Variants in FZD1 observed in about 807,000 individuals in gnomAD.
FZD1 encodes frizzled class receptor 1, also known as frizzled-1.
Under a neutral mutation model 48.0 loss-of-function variants are expected in FZD1, and 22 were observed. The observed-to-expected ratio is 0.46, with a 90% CI of 0.33 to 0.65. The LOEUF is 0.65. FZD1 is among the 30% of genes least tolerant of loss of function. The pLI is 0.02. For synonymous variants in FZD1, 486 were observed against 409.6 expected (o/e 1.19, Z -2.25); for missense variants, 843 against 898.1 (o/e 0.94, Z 0.78).
In FZD1 at chr7:91,266,511, A is replaced by G; in HGVS notation, c.1631A>G (p.Tyr544Cys). Residue 544 changes from tyrosine (Y) to cysteine (C), a missense_variant, in exon 1 of 1, where the codon TAC becomes TGC. Physicochemically the swap from Tyr to Cys is radical, Grantham distance 194 (BLOSUM62 -2). Coordinates refer to ENST00000287934, the MANE Select transcript of FZD1 (RefSeq NM_003505.2). This position sits in a 1 kb window ranked among gnomAD's most constrained non-coding sequence, Gnocchi z 6.8. ...CGCATTGGCGTCTTCAGCGTGCTGT[A>G]CACTGTGCCAGCCACCATCGTCATC... is the stretch of plus-strand genomic sequence containing the variant. Reference protein sequence around the residue: ...MVRIGVFSVLYTVPATIVIAC... With the variant: ...MVRIGVFSVLCTVPATIVIAC... 6.2e-7 allele frequency: 1 copy of G among 1,613,996 alleles called. No homozygotes were observed.
rs79504063 is a variant in FZD1, at chr7:91,267,647, C to T, written c.*823C>T. The T allele has an allele frequency of 1.2e-5, 2 of 167,122 alleles. No individual in the cohort carries two copies. The highest frequency in any genetic ancestry group is 3.9e-4 in the East Asian group (2 of 5,194). 10.4% of individuals were successfully genotyped at this position (167,122 alleles called of 1,614,324 possible). On this transcript the variant is annotated 3_prime_UTR_variant, in exon 1 of 1. Coordinates refer to ENST00000287934, the MANE Select transcript of FZD1 (RefSeq NM_003505.2). ...GTGTGGGCGCTGGCAGTCTCAGCCT[C>T]CCTCCACGGTCACCTTCAACGCCCA...
Position 91,264,897 on chromosome 7 carries a change from C to A in FZD1, c.17C>A (p.Ala6Glu), listed in dbSNP as rs909653277. 3.8e-6 allele frequency: 5 copies of A among 1,315,376 alleles called. No individual in the cohort carries two copies. Among genetic ancestry groups the A allele is most frequent in the African/African-American group, 3.1e-5 (2 of 65,278 alleles). The allele number at this position is 1,315,376 out of a possible 1,614,324, so 81.5% of individuals were successfully genotyped here. Residue 6 changes from alanine to glutamate, a missense_variant, in exon 1 of 1, where the codon GCG becomes GAG. This residue lies in a region of FZD1 where 490 missense variants were observed against 466.5 expected (regional missense o/e 1.05). Coordinates refer to ENST00000287934, the MANE Select transcript of FZD1 (RefSeq NM_003505.2). The part of the protein sequence containing the change: MAEEE[A>E]PKKSRAAGGG... The stretch of plus-strand genomic sequence containing the variant: ...CGAGAAAGTATGGCTGAGGAGGAGG[C>A]GCCTAAGAAGTCCCGGGCCGCCGGC...
chr7:91,268,569 G>A lies in FZD1; in HGVS notation c.*1745G>A, dbSNP rs536315386. 4.2e-5 allele frequency: 7 copies of A among 166,948 alleles called. No individual in the cohort carries two copies. In the South Asian group the frequency reaches 1.2e-3, roughly 30 times the overall value. The allele number at this position is 166,948 out of a possible 1,614,324, so 10.3% of individuals were successfully genotyped here. On this transcript the variant is annotated 3_prime_UTR_variant, in exon 1 of 1. Transcript: ENST00000287934. ...CTAAATTTATCTATGTCTGTCATACGCTAAAATGATATTGGTCTTTGAATT... is the reference window on the plus strand; with the variant it reads ...CTAAATTTATCTATGTCTGTCATACACTAAAATGATATTGGTCTTTGAATT...
At position 91,264,525 on chromosome 7, in the gene FZD1, CA is replaced by C; in HGVS notation, c.-355del. 6.1e-6 allele frequency: 2 copies of C among 330,248 alleles called. No individual in the cohort carries two copies. Among genetic ancestry groups the C allele is most frequent in the Non-Finnish European group, 1.1e-5 (2 of 181,466 alleles). 20.5% of individuals were successfully genotyped at this position (330,248 alleles called of 1,614,324 possible). On this transcript the variant is annotated 5_prime_UTR_variant, in exon 1 of 1. An upstream open reading frame in the 5' UTR loses its in-frame stop. Coordinates refer to ENST00000287934, the MANE Select transcript of FZD1 (RefSeq NM_003505.2). The stretch of plus-strand genomic sequence containing the variant: ...GGCGGCGGAGAAGGAGGCGGAGGCG[CA>C]GGGGGGAGCCGAGCCCGCTGGGCTG...
chr7:91,265,873 C>T lies in FZD1; in HGVS notation c.993C>T (p.Cys331=). 1 of 1,613,764 alleles carries T rather than the reference C, an allele frequency of 6.2e-7. No homozygotes were observed. The highest frequency in any genetic ancestry group is 8.5e-7 in the Non-Finnish European group (1 of 1,179,618). Residue 331 remains cysteine (C), a synonymous_variant, in exon 1 of 1, where the codon TGC becomes TGT. Coordinates refer to ENST00000287934, the MANE Select transcript of FZD1 (RefSeq NM_003505.2). The surrounding 1 kb of genome is among the most constrained non-coding windows in gnomAD (Gnocchi z 6.9). ...TWIGIWSVLC[C]ASTLFTVLTY... is the part of the protein sequence containing the mutation. Reference sequence around the variant, plus strand: ...TTGGCATTTGGTCAGTGCTGTGCTGCGCCTCCACGCTCTTCACGGTGCTTA... The same window carrying T: ...TTGGCATTTGGTCAGTGCTGTGCTGTGCCTCCACGCTCTTCACGGTGCTTA...
Position 91,268,641 on chromosome 7 carries a change from T to C in FZD1, c.*1817T>C, listed in dbSNP as rs1803926055. The C allele has an allele frequency of 6.0e-6, 1 of 166,476 alleles. No homozygotes were observed. The highest frequency in any genetic ancestry group is 6.5e-5 in the Admixed American group (1 of 15,284). The allele number at this position is 166,476 out of a possible 1,614,324, so 10.3% of individuals were successfully genotyped here. ...ACTATCACAAAATCATCTATATTTA[T>C]AGAGGAATAGAAGTTTATATATATA... On this transcript the variant is annotated 3_prime_UTR_variant, in exon 1 of 1. Coordinates refer to ENST00000287934, the MANE Select transcript of FZD1 (RefSeq NM_003505.2).
In FZD1 at chr7:91,270,778, C is replaced by G. The variant is rs576570735; in HGVS notation, c.*3954C>G. 2.4e-5 allele frequency: 4 copies of G among 166,992 alleles called. No homozygotes were observed. The highest frequency in any genetic ancestry group is 2.1e-4 in the South Asian group (1 of 4,820). The allele number at this position is 166,992 out of a possible 1,614,324, so 10.3% of individuals were successfully genotyped here. A position where few individuals can be genotyped will look rare whatever the true frequency, so the allele number is the denominator to read the frequency against. ...GTCATGGCATTGGATATCTCTGATTCATTTCTTATTATAATAGTCTGTGTA... is the reference window on the plus strand; with the variant it reads ...GTCATGGCATTGGATATCTCTGATTGATTTCTTATTATAATAGTCTGTGTA... On this transcript the variant is annotated 3_prime_UTR_variant, in exon 1 of 1. Transcript: ENST00000287934.
chr7:91,269,820 T>C lies in FZD1; in HGVS notation c.*2996T>C, dbSNP rs1354939674. 1 of 167,062 alleles carries C rather than the reference T, an allele frequency of 6.0e-6. No individual in the cohort carries two copies. The highest frequency in any genetic ancestry group is 1.5e-5 in the Non-Finnish European group (1 of 68,104). 10.3% of individuals were successfully genotyped at this position (167,062 alleles called of 1,614,324 possible). On this transcript the variant is annotated 3_prime_UTR_variant, in exon 1 of 1. Transcript: ENST00000287934. ...CTCCTCACTAAGTAGTTCAATTAGA[T>C]AATTTCTGGAAAAACATGTTTTTGA...
chr7:91,268,072 C>T lies in FZD1; in HGVS notation c.*1248C>T, dbSNP rs1803915553. On this transcript the variant is annotated 3_prime_UTR_variant, in exon 1 of 1. Transcript: ENST00000287934. ...GCAAAACGTAAACAGAAATTGAAAA[C>T]TTGAAGGATATTTCAGTGTCATGGA... The T allele has an allele frequency of 6.0e-6, 1 of 167,066 alleles. No homozygotes were observed. Among genetic ancestry groups the T allele is most frequent in the Admixed American group, 6.5e-5 (1 of 15,292 alleles). The allele number at this position is 167,066 out of a possible 1,614,324, so 10.3% of individuals were successfully genotyped here.
Position 91,265,048 on chromosome 7 carries a change from G to T in FZD1, c.168G>T (p.Leu56=). The change falls in exon 1 of 1, where the codon CTG becomes CTT. Residue 56 remains leucine, a synonymous_variant. Coordinates refer to ENST00000287934, the MANE Select transcript of FZD1 (RefSeq NM_003505.2). This position sits in a 1 kb window ranked among gnomAD's most constrained non-coding sequence, Gnocchi z 6.9. ...CCCGGCGATTGGCGCGCCAGCTGCT[G>T]CTGCTGCTTTGGCTGCTGGAGGCTC... The part of the protein sequence containing the change: ...VDPRRLARQL[L]LLLWLLEAPL... The T allele has an allele frequency of 7.2e-7, 1 of 1,395,094 alleles. No individual in the cohort carries two copies. Among genetic ancestry groups the T allele is most frequent in the Non-Finnish European group, 9.3e-7 (1 of 1,076,458 alleles). The allele number at this position is 1,395,094 out of a possible 1,614,324, so 86.4% of individuals were successfully genotyped here.
rs1177715641 is a variant in FZD1, at chr7:91,267,457, T to C, written c.*633T>C. On this transcript the variant is annotated 3_prime_UTR_variant, in exon 1 of 1. Coordinates refer to ENST00000287934, the MANE Select transcript of FZD1 (RefSeq NM_003505.2). ...CTTTCCTGGCTTGAGGTAGGGGCTC[T>C]TAAGGTACAGAACTCCACAAACCTT... 1 of 167,324 alleles carries C rather than the reference T, an allele frequency of 6.0e-6. No individual in the cohort carries two copies. Among genetic ancestry groups the C allele is most frequent in the Non-Finnish European group, 1.5e-5 (1 of 68,322 alleles). 10.4% of individuals were successfully genotyped at this position (167,324 alleles called of 1,614,324 possible).
Position 91,265,312 on chromosome 7 carries a change from G to A in FZD1, c.432G>A (p.Glu144=), listed in dbSNP as rs1803855880. The part of the protein sequence containing the change: ...MPNLLGHTNQ[E]DAGLEVHQFY... The stretch of plus-strand genomic sequence containing the variant: ...ACCTGCTGGGCCACACGAACCAGGA[G>A]GACGCGGGCCTGGAGGTGCACCAGT... The change falls in exon 1 of 1, where the codon GAG becomes GAA. Residue 144 remains glutamate, a synonymous_variant. Coordinates refer to ENST00000287934, the MANE Select transcript of FZD1 (RefSeq NM_003505.2). This position sits in a 1 kb window ranked among gnomAD's most constrained non-coding sequence, Gnocchi z 6.9. 6.2e-7 allele frequency: 1 copy of A among 1,614,154 alleles called. No homozygotes were observed. Among genetic ancestry groups the A allele is most frequent in the Non-Finnish European group, 8.5e-7 (1 of 1,179,986 alleles).
rs1460932985 is a variant in FZD1, at chr7:91,270,470, C to G, written c.*3646C>G. The G allele has an allele frequency of 6.0e-6, 1 of 167,030 alleles. No individual in the cohort carries two copies. The highest frequency in any genetic ancestry group is 6.5e-5 in the Admixed American group (1 of 15,280). 10.3% of individuals were successfully genotyped at this position (167,030 alleles called of 1,614,324 possible). On this transcript the variant is annotated 3_prime_UTR_variant, in exon 1 of 1. Transcript: ENST00000287934. Reference sequence around the variant, plus strand: ...GGTCCTTTTGTCTCCACTGTAAGTACTGAAGCCTTCTGGTGTAGTTGTATC... The same window carrying G: ...GGTCCTTTTGTCTCCACTGTAAGTAGTGAAGCCTTCTGGTGTAGTTGTATC...
In FZD1 at chr7:91,264,707, C is replaced by G. The variant is rs1050241155; in HGVS notation, c.-174C>G. 6 of 418,048 alleles carry G rather than the reference C, an allele frequency of 1.4e-5. No individual in the cohort carries two copies. The highest frequency in any genetic ancestry group is 1.2e-4 in the African/African-American group (6 of 48,536). 25.9% of individuals were successfully genotyped at this position (418,048 alleles called of 1,614,324 possible). On this transcript the variant is annotated 5_prime_UTR_variant, in exon 1 of 1. Transcript: ENST00000287934. ...CCGCGCTTCATGAATCGCAAGTTTCCGCGGCGGCGGCGGCTGCGGTACGCA... is the reference window on the plus strand; with the variant it reads ...CCGCGCTTCATGAATCGCAAGTTTCGGCGGCGGCGGCGGCTGCGGTACGCA...
Position 91,265,968 on chromosome 7 carries a change from C to T in FZD1, c.1088C>T (p.Thr363Met), listed in dbSNP as rs776239506. The change falls in exon 1 of 1, where the codon ACG (threonine) becomes ATG (methionine). Residue 363 changes from threonine to methionine, a missense_variant. By Grantham distance (81) the Thr-to-Met change is moderately conservative. Transcript: ENST00000287934. The surrounding 1 kb of genome is among the most constrained non-coding windows in gnomAD (Gnocchi z 6.9). ...RPIIFLSGCY[T>M]AVAVAYIAGF... is the part of the protein sequence containing the mutation. ...ATCATCTTCTTGTCCGGCTGTTACA[C>T]GGCCGTGGCCGTGGCCTACATCGCC... The T allele has an allele frequency of 1.1e-5, 18 of 1,614,022 alleles. No homozygotes were observed. The East Asian group carries it at 2.2e-4, about 20-fold the overall frequency.
rs1803943713 is a variant in FZD1 at position 91,269,849 on chromosome 7, T to C, written c.*3025T>C. 1 of 167,056 alleles carries C rather than the reference T, an allele frequency of 6.0e-6. No homozygotes were observed. The highest frequency in any genetic ancestry group is 1.5e-5 in the Non-Finnish European group (1 of 68,098). 10.3% of individuals were successfully genotyped at this position (167,056 alleles called of 1,614,324 possible). A position where few individuals can be genotyped will look rare whatever the true frequency, so the allele number is the denominator to read the frequency against. Reference sequence around the variant, plus strand: ...TTCTGGAAAAACATGTTTTTGACATTAATTGCTATCCAAAACTATATTTTA... The same window carrying C: ...TTCTGGAAAAACATGTTTTTGACATCAATTGCTATCCAAAACTATATTTTA... On this transcript the variant is annotated 3_prime_UTR_variant, in exon 1 of 1. Coordinates refer to ENST00000287934, the MANE Select transcript of FZD1 (RefSeq NM_003505.2).
In FZD1 at chr7:91,266,881, C is replaced by A; in HGVS notation, c.*57C>A. 1 of 1,181,722 alleles carries A rather than the reference C, an allele frequency of 8.5e-7. No homozygotes were observed. The highest frequency in any genetic ancestry group is 1.2e-6 in the Non-Finnish European group (1 of 827,254). 73.2% of individuals were successfully genotyped at this position (1,181,722 alleles called of 1,614,324 possible). ...GCCGGGGCGCAGCGATCCCCCAAAG[C>A]CAGCGCCGTGGAGTTCGTGCCAATC... On this transcript the variant is annotated 3_prime_UTR_variant, in exon 1 of 1. Transcript: ENST00000287934. This position sits in a 1 kb window ranked among gnomAD's most constrained non-coding sequence, Gnocchi z 6.8.
chr7:91,267,109 T>A lies in FZD1; in HGVS notation c.*285T>A, dbSNP rs1176619738. ...ATTGTAAATAGCCTGTGTAAGATTT[T>A]TGTAAGTATATTTGTATTTAAATGA... On this transcript the variant is annotated 3_prime_UTR_variant, in exon 1 of 1. Coordinates refer to ENST00000287934, the MANE Select transcript of FZD1 (RefSeq NM_003505.2). 3.1e-6 allele frequency: 1 copy of A among 319,524 alleles called. No individual in the cohort carries two copies. The highest frequency in any genetic ancestry group is 2.2e-5 in the African/African-American group (1 of 46,344). 19.8% of individuals were successfully genotyped at this position (319,524 alleles called of 1,614,324 possible). A position where few individuals can be genotyped will look rare whatever the true frequency, so the allele number is the denominator to read the frequency against.
Position 91,264,794 on chromosome 7 carries a change from A to T in FZD1, c.-87A>T. The T allele has an allele frequency of 1.1e-6, 1 of 895,638 alleles. No homozygotes were observed. The highest frequency in any genetic ancestry group is 1.5e-6 in the Non-Finnish European group (1 of 674,356). The allele number at this position is 895,638 out of a possible 1,614,324, so 55.5% of individuals were successfully genotyped here. ...GGCTCGACGGAGGGCACCCGCGCAGAGGTCTCCCTGGCCGCAGGGGGAGCC... is the reference window on the plus strand; with the variant it reads ...GGCTCGACGGAGGGCACCCGCGCAGTGGTCTCCCTGGCCGCAGGGGGAGCC... On this transcript the variant is annotated 5_prime_UTR_variant, in exon 1 of 1. Transcript: ENST00000287934.
Sources: allele counts gnomAD v4.1 joint callset, GRCh38; gene constraint gnomAD v4.1.1; regional missense constraint gnomAD v4.1.1; non-coding constraint Gnocchi (gnomAD v3.1); transcripts MANE v1.5; gene names NCBI Gene and HGNC (gene_info 2026-07-23, HGNC 2026-07-21).